Variants in KHDRBS2 observed in about 807,000 individuals in gnomAD.
KHDRBS2 encodes KH RNA binding domain containing, signal transduction associated 2.
Under a neutral mutation model 44.3 loss-of-function variants are expected in KHDRBS2, and 26 were observed. That is an observed-to-expected ratio of 0.59 (90% CI 0.43 to 0.81). The LOEUF (loss-of-function observed/expected upper bound fraction) is 0.81. Among genes scored for constraint, KHDRBS2 ranks in the 40% least tolerant of loss-of-function variants. KHDRBS2 has a pLI of 0.00. For synonymous variants in KHDRBS2, 194 were observed against 151.1 expected (o/e 1.28, Z -2.08); for missense variants, 476 against 433.1 (o/e 1.10, Z -0.88).
chr6:62,069,726 A>G (rs554503098), intron 2 of KHDRBS2, among the ~76,000 whole-genome samples: 32 of 151,774 alleles, frequency 2.1e-4, no homozygotes, highest in Admixed American at 6.6e-4. Flanking sequence ...CAACAAGGAG[A>G]TGGTTATAAA....
At chr6:62,145,724 G>A (rs553987218) in intron 2 of KHDRBS2, among the ~76,000 whole-genome samples, 1 of 151,952 alleles carries the variant, frequency 6.6e-6, no homozygotes, top group Non-Finnish European at 1.5e-5. Context: ...CACAGATGGA[G>A]CATCTGTGAA....
intron 4 of KHDRBS2, among the ~76,000 whole-genome samples, chr6:61,916,016 A>T (rs1172339913): frequency 6.6e-6 from 1 of 152,042 alleles, no homozygotes; most frequent in Admixed American, 6.6e-5. Flanking sequence ...TTAAATATGC[A>T]TACCCCGATT....
chr6:61,812,481 C>A (rs1439273747), intron 6 of KHDRBS2, among the ~76,000 whole-genome samples: 1 of 151,872 alleles, frequency 6.6e-6, no homozygotes, highest in Non-Finnish European at 1.5e-5. Flanking sequence ...GAAACTAAAA[C>A]TTATAAATAT....
intron 6 of KHDRBS2, among the ~76,000 whole-genome samples, chr6:61,765,167 G>A (rs1486529526): frequency 6.6e-6 from 1 of 152,142 alleles, no homozygotes; most frequent in Non-Finnish European, 1.5e-5. Context: ...GCCAGGCATG[G>A]TAGCATTTCT....
the KHDRBS2 span, among the ~76,000 whole-genome samples, chr6:61,598,213 TG>T: frequency 6.6e-6 from 1 of 151,156 alleles, no homozygotes; most frequent in Non-Finnish European, 1.5e-5. Context: ...CAAGATAAAT[TG>T]GGGAAAAAGT....
chr6:62,088,490 G>A (rs972648246), intron 2 of KHDRBS2, among the ~76,000 whole-genome samples: 1 of 152,154 alleles, frequency 6.6e-6, no homozygotes. Flanking sequence ...TTTGCTGGGG[G>A]TCCACTCCAG....
At position 62,262,814 on chromosome 6, in the gene KHDRBS2, T is replaced by G. The variant is rs559601310; in HGVS notation, c.91+23044A>C. On this transcript the variant is annotated intron_variant, in intron 1 of 8. Coordinates refer to ENST00000281156, the MANE Select transcript of KHDRBS2 (RefSeq NM_152688.4). ...AAAGTATCCACAAGTATGTGTACAT[T>G]ATTGTCAAAAATAAAACAAATTTCA... Among the ~76,000 whole-genome samples, 4 of 151,860 alleles carry G rather than the reference T, an allele frequency of 2.6e-5. No individual in the cohort carries two copies. The South Asian group carries it at 8.3e-4, about 31-fold the overall frequency.
chr6:61,916,965 ATTTTTTTT>A (rs10700035), intron 4 of KHDRBS2, among the ~76,000 whole-genome samples: 2 of 90,640 alleles, frequency 2.2e-5, no homozygotes, highest in South Asian at 4.3e-4. Flanking sequence ...GGAACTCTGT[ATTTTTTTT>A]TTTTTTTTTT....
At chr6:61,547,573 T>C in the KHDRBS2 span, among the ~76,000 whole-genome samples, 1 of 152,116 alleles carries the variant, frequency 6.6e-6, no homozygotes. Flanking sequence ...GACCAAGTCA[T>C]GTTTATTTTT....
At position 62,245,133 on chromosome 6, in the gene KHDRBS2, A is replaced by G. The variant is rs146555900; in HGVS notation, c.91+40725T>C. On this transcript the variant is annotated intron_variant, in intron 1 of 8. Transcript: ENST00000281156. ...TCATTACTGAATACTTGAACACAAC[A>G]TGGAAAGTGCAAATCAAAAATGTTC... Among the ~76,000 whole-genome samples, 381 of 152,244 alleles carry G rather than the reference A, an allele frequency of 2.5e-3. 3 individuals are homozygous for G. The highest frequency in any genetic ancestry group is 8.4e-3 in the African/African-American group (349 of 41,554).
chr6:61,737,340 T>C lies in KHDRBS2; in HGVS notation c.811-4576A>G, dbSNP rs1188088781. Among the ~76,000 whole-genome samples, 9 of 152,094 alleles carry C rather than the reference T, an allele frequency of 5.9e-5. No homozygotes were observed. In the East Asian group the frequency reaches 1.7e-3, roughly 29 times the overall value. Reference sequence around the variant, plus strand: ...GCTGTACTTACTGTAAAAGGGACAGTAAATGGGCATATTTTTCCAATACTT... The same window carrying C: ...GCTGTACTTACTGTAAAAGGGACAGCAAATGGGCATATTTTTCCAATACTT... On this transcript the variant is annotated intron_variant, in intron 6 of 8. Transcript: ENST00000281156.
chr6:61,853,582 G>T (rs1267327034), intron 6 of KHDRBS2, among the ~76,000 whole-genome samples: 4 of 152,150 alleles, frequency 2.6e-5, no homozygotes, highest in Admixed American at 2.0e-4. Flanking sequence ...GGTTGCTTAA[G>T]CCAGCATTTG....
chr6:62,152,836 C>A (rs1815511420), intron 2 of KHDRBS2, among the ~76,000 whole-genome samples: 1 of 152,144 alleles, frequency 6.6e-6, no homozygotes, highest in Non-Finnish European at 1.5e-5. Flanking sequence ...TTGTGCATGA[C>A]AAGCAACCTC....
At position 61,856,809 on chromosome 6, in the gene KHDRBS2, A is replaced by G. The variant is rs368715548; in HGVS notation, c.810+37826T>C. On this transcript the variant is annotated intron_variant, in intron 6 of 8. Transcript: ENST00000281156. ...TTTTAAGACTGGCAGGCACTTAAAG[A>G]GGTCAAGGCATATCCCTCGGATTGC... Among the ~76,000 whole-genome samples, 125 of 152,132 alleles carry G rather than the reference A, an allele frequency of 8.2e-4. 1 individual carries two copies. Among genetic ancestry groups the G allele is most frequent in the African/African-American group, 2.9e-3 (120 of 41,538 alleles).
intron 1 of KHDRBS2, among the ~76,000 whole-genome samples, chr6:62,179,169 ATAT>A (rs1821749696): frequency 6.6e-6 from 1 of 151,588 alleles, no homozygotes; most frequent in South Asian, 2.1e-4. Context: ...TTTTGGAGTA[ATAT>A]TACATTACTT....
rs564553788 is a variant in KHDRBS2 at position 62,051,967 on chromosome 6, C to T, written c.220-3973G>A. On this transcript the variant is annotated intron_variant, in intron 2 of 8. Coordinates refer to ENST00000281156, the MANE Select transcript of KHDRBS2 (RefSeq NM_152688.4). ...TCATACTTATCAGGATAGCTATTTC[C>T]AAAAAGTCAAAAGATACCAAATTTT... Among the ~76,000 whole-genome samples, 4 of 151,626 alleles carry T rather than the reference C, an allele frequency of 2.6e-5. No individual in the cohort carries two copies. In the East Asian group the frequency reaches 7.8e-4, roughly 30 times the overall value.
At chr6:61,602,470 G>T in the KHDRBS2 span, among the ~76,000 whole-genome samples, 9 of 152,076 alleles carry the variant, frequency 5.9e-5, no homozygotes, top group Non-Finnish European at 1.2e-4. Flanking sequence ...ACGGAAAATT[G>T]GACTGTTCAA....
chr6:61,565,289 A>T, the KHDRBS2 span, among the ~76,000 whole-genome samples: 3 of 152,152 alleles, frequency 2.0e-5, no homozygotes, highest in African/African-American at 7.2e-5. Flanking sequence ...GCAAAAGCAC[A>T]GGCAATCAAA....
chr6:61,778,179 T>C (rs1158623656), intron 6 of KHDRBS2, among the ~76,000 whole-genome samples: 1 of 152,186 alleles, frequency 6.6e-6, no homozygotes. Context: ...TTTGAAACAA[T>C]GAGCAAATAC....
Sources: allele counts gnomAD v4.1 joint callset (sites outside exome capture counted in the v4.1 genomes callset), GRCh38; gene constraint gnomAD v4.1.1; transcripts MANE v1.5; gene names NCBI Gene and HGNC (gene_info 2026-07-23, HGNC 2026-07-21).